CADM1: variants seen among roughly 807,000 people sequenced by gnomAD.
CADM1 encodes TSLC-1.
In CADM1, 15 loss-of-function variants were observed where a neutral mutation model predicts 53.1. That is an observed-to-expected ratio of 0.28 (90% confidence interval 0.19 to 0.44). The LOEUF (loss-of-function observed/expected upper bound fraction) is 0.44, where lower values mean the gene tolerates loss of function less well. Ranked by LOEUF, CADM1 falls within the 20% of genes least tolerant of loss-of-function variation. CADM1 has a pLI of 1.00. For missense variants in CADM1, 434 were observed against 611.3 expected (o/e 0.71, Z 3.06); for synonymous variants, 281 against 243.0 (o/e 1.16, Z -1.45).
At chr11:115,499,988 CAA>C (rs1591309956) in intron 1 of CADM1, among the ~76,000 whole-genome samples, 1 of 152,146 alleles carries the variant, frequency 6.6e-6, no homozygotes, top group East Asian at 1.9e-4. Flanking sequence ...TACATACACA[CAA>C]ACACACACAC....
At chr11:115,502,517 A>G (rs1272234850) in intron 1 of CADM1, among the ~76,000 whole-genome samples, 2 of 151,886 alleles carry the variant, frequency 1.3e-5, no homozygotes, top group Non-Finnish European at 2.9e-5. Flanking sequence ...GCATCACCTG[A>G]AATGAAGTTG....
intron 5 of CADM1, among the ~76,000 whole-genome samples, chr11:115,218,644 T>C (rs1941285209): frequency 2.0e-5 from 3 of 152,160 alleles, no homozygotes; most frequent in East Asian, 1.9e-4. Flanking sequence ...TACCCACAGA[T>C]TGAAGTAGCT....
intron 1 of CADM1, among the ~76,000 whole-genome samples, chr11:115,303,286 C>T (rs1431837688): frequency 6.6e-6 from 1 of 151,958 alleles, no homozygotes; most frequent in Admixed American, 6.6e-5. Context: ...TGCATGTAAT[C>T]ACTGAGATTT....
intron 1 of CADM1, among the ~76,000 whole-genome samples, chr11:115,420,804 C>T (rs45616136): frequency 1.2e-3 from 189 of 152,258 alleles, no homozygotes; most frequent in Admixed American, 2.9e-3. Context: ...CTGTTTCGTT[C>T]TCCTGATTCA....
chr11:115,401,249 C>T (rs1407162821), intron 1 of CADM1, among the ~76,000 whole-genome samples: 1 of 152,206 alleles, frequency 6.6e-6, no homozygotes, highest in Non-Finnish European at 1.5e-5. Context: ...ACTGAAAAAG[C>T]AACCATACTG....
intron 10 of CADM1, among the ~76,000 whole-genome samples, chr11:115,189,560 G>GGGA (rs1055846477): frequency 4.8e-3 from 5 of 1,044 alleles, no homozygotes; most frequent in Admixed American, 0.019. Context: ...ATTTTACGTA[G>GGGA]GGAGGACTTA....
intron 1 of CADM1, among the ~76,000 whole-genome samples, chr11:115,328,713 T>TAC (rs375794586): frequency 0.072 from 3,433 of 47,966 alleles, 583 homozygotes; most frequent in East Asian, 0.6. Flanking sequence ...TATATATATA[T>TAC]GTGTATATAT....
intron 1 of CADM1, among the ~76,000 whole-genome samples, chr11:115,365,475 T>C (rs1165545290): frequency 4.6e-5 from 7 of 152,114 alleles, no homozygotes; most frequent in Non-Finnish European, 1.0e-4. Flanking sequence ...AGATTAGCAT[T>C]GTGGGTATTG....
chr11:115,276,062 T>A (rs1309668480), intron 1 of CADM1, among the ~76,000 whole-genome samples: 1 of 152,230 alleles, frequency 6.6e-6, no homozygotes, highest in Non-Finnish European at 1.5e-5. Flanking sequence ...TATTTAAAAT[T>A]GATGTGTTTT....
In CADM1 at chr11:115,214,689, T is replaced by C; in HGVS notation, c.913A>G (p.Lys305Glu). Residue 305 changes from lysine to glutamate, a missense_variant, in exon 7 of 12, where the codon AAA becomes GAA. By Grantham distance (56) the Lys-to-Glu change is moderately conservative. Transcript: ENST00000331581. ...CAGCGGTATGTACCATTATCTGTTT[T>C]GTTTAGGTTATTGATGAACAGGTTG... ...GPNLFINNLN[K>E]TDNGTYRCEA... 1 of 1,614,088 alleles carries C rather than the reference T, an allele frequency of 6.2e-7. No homozygotes were observed. Among genetic ancestry groups the C allele is most frequent in the Non-Finnish European group, 8.5e-7 (1 of 1,179,950 alleles).
chr11:115,409,553 T>C (rs923095346), intron 1 of CADM1, among the ~76,000 whole-genome samples: 5 of 151,694 alleles, frequency 3.3e-5, no homozygotes, highest in African/African-American at 1.2e-4. Flanking sequence ...ATAAAAGACA[T>C]AGGAATTATG....
At chr11:115,392,433 T>C (rs1305652375) in intron 1 of CADM1, among the ~76,000 whole-genome samples, 1 of 151,954 alleles carries the variant, frequency 6.6e-6, no homozygotes, top group East Asian at 1.9e-4. Flanking sequence ...TAAAGGCTTA[T>C]TACCTCTACT....
intron 1 of CADM1, among the ~76,000 whole-genome samples, chr11:115,353,250 T>C (rs769164368): frequency 1.4e-4 from 21 of 152,212 alleles, no homozygotes; most frequent in Non-Finnish European, 2.4e-4. Flanking sequence ...GTACTGGTGA[T>C]GAATGACCCA....
chr11:115,290,036 T>C (rs1943846472), intron 1 of CADM1, among the ~76,000 whole-genome samples: 1 of 152,210 alleles, frequency 6.6e-6, no homozygotes, highest in African/African-American at 2.4e-5. Context: ...TTGATTTGAA[T>C]GTAGATTCCA....
chr11:115,212,696 G>T (rs1941016135), intron 7 of CADM1, among the ~76,000 whole-genome samples: 1 of 152,228 alleles, frequency 6.6e-6, no homozygotes. Context: ...ATACTTTGTT[G>T]TGGACTTTAG....
intron 1 of CADM1, among the ~76,000 whole-genome samples, chr11:115,247,365 T>A (rs541262576): frequency 1.3e-5 from 2 of 152,326 alleles, no homozygotes; most frequent in African/African-American, 4.8e-5. Flanking sequence ...TCAAGCTGCA[T>A]ACACTTTTGA....
At chr11:115,235,455 A>G (rs1006956841) in intron 3 of CADM1, among the ~76,000 whole-genome samples, 16 of 152,242 alleles carry the variant, frequency 1.1e-4, no homozygotes, top group Non-Finnish European at 2.9e-5. Flanking sequence ...GCCTGCAGCC[A>G]TTAATGAAAA....
At chr11:115,350,205 AGGTGATG>A (rs1945690936) in intron 1 of CADM1, among the ~76,000 whole-genome samples, 1 of 152,184 alleles carries the variant, frequency 6.6e-6, no homozygotes, top group Non-Finnish European at 1.5e-5. Context: ...TCCCAACTTC[AGGTGATG>A]CACCCGCCTC....
chr11:115,304,042 T>C lies in CADM1; in HGVS notation c.125-63622A>G, dbSNP rs191999318. 5.8e-4 allele frequency among the ~76,000 whole-genome samples: 88 copies of C among 152,162 alleles called. 1 individual carries two copies. The highest frequency in any genetic ancestry group is 8.8e-4 in the Non-Finnish European group (60 of 67,956). ...AAGAGATGAAAACTGTTGGCTTCTA[T>C]AGGAAAGTGACCAAATCTACAGGGA... On this transcript the variant is annotated intron_variant, in intron 1 of 11. Transcript: ENST00000331581.
Sources: gnomAD v4.1 joint callset for allele counts (sites outside exome capture counted in the v4.1 genomes callset) on GRCh38, gnomAD v4.1.1 for gene constraint, MANE v1.5 for transcripts, NCBI Gene and HGNC (gene_info 2026-07-23, HGNC 2026-07-21) for gene names.